Variants in NPIPB2 observed in about 807,000 individuals in gnomAD.
NPIPB2 encodes the protein nuclear pore complex-interacting protein family member B2.
In NPIPB2, 27 loss-of-function variants were observed where a neutral mutation model predicts 30.8. The ratio of observed to expected loss-of-function variants is 0.88; its 90% CI spans 0.65 to 1.21. The LOEUF is 1.21. Among genes scored for constraint, NPIPB2 ranks in the 50% most tolerant of loss-of-function variants. The pLI, the probability that NPIPB2 is intolerant of heterozygous loss-of-function variation, is 0.00. For synonymous variants in NPIPB2, 147 were observed against 162.0 expected, an observed-to-expected ratio of 0.91 and a Z score of 0.70; for missense variants, 440 against 446.2, an observed-to-expected ratio of 0.99 and a Z score of 0.13.
At chr16:11,972,070 T>C (rs899983754) in intron 1 of NPIPB2, among the ~76,000 whole-genome samples, 2 of 151,882 alleles carry the variant, frequency 1.3e-5, no homozygotes, top group African/African-American at 4.8e-5. Flanking sequence ...CACTTGAACC[T>C]GGGAGACAGA....
chr16:11,950,538 G>A (rs1430567840), intron 1 of NPIPB2, among the ~76,000 whole-genome samples: 1 of 152,120 alleles, frequency 6.6e-6, no homozygotes, highest in East Asian at 1.9e-4. Context: ...GAGGAAAGGA[G>A]GACGCTAACA....
At chr16:11,948,684 G>A (rs549715203) in intron 1 of NPIPB2, among the ~76,000 whole-genome samples, 2 of 139,756 alleles carry the variant, frequency 1.4e-5, no homozygotes, top group East Asian at 4.8e-4. Flanking sequence ...GGAGAATGGC[G>A]TGAACCCGGG....
At chr16:11,955,918 T>A (rs2150931943) in intron 1 of NPIPB2, among the ~76,000 whole-genome samples, 1 of 150,868 alleles carries the variant, frequency 6.6e-6, no homozygotes, top group Non-Finnish European at 1.5e-5. Context: ...AAAAAACCGG[T>A]CACCCACTTA....
At chr16:11,972,998 T>C (rs1477234992) in intron 1 of NPIPB2, among the ~76,000 whole-genome samples, 1 of 150,322 alleles carries the variant, frequency 6.7e-6, no homozygotes, top group African/African-American at 2.5e-5. Flanking sequence ...CTAACTCTAC[T>C]AAAAGTATAA....
chr16:11,933,151 C>T (rs2054813750), intron 4 of NPIPB2, among the ~76,000 whole-genome samples: 1 of 151,198 alleles, frequency 6.6e-6, no homozygotes, highest in South Asian at 2.1e-4. Flanking sequence ...ATCCCAGCTA[C>T]GTGGGAGGCT....
At chr16:11,967,937 C>A in intron 1 of NPIPB2, 1 of 1,430,650 alleles carries the variant, frequency 7.0e-7, no homozygotes. Context: ...CTGTATTTTT[C>A]AGTTGCCGAT....
chr16:11,967,282 G>A (rs890229432), intron 1 of NPIPB2: 10 of 349,754 alleles, frequency 2.9e-5, no homozygotes, highest in Admixed American at 2.3e-4. Context: ...GATTACAGGC[G>A]TGAGCCACAG....
At chr16:11,970,950 C>G (rs1330180120) in intron 1 of NPIPB2, among the ~76,000 whole-genome samples, 1 of 151,484 alleles carries the variant, frequency 6.6e-6, no homozygotes, top group African/African-American at 2.4e-5. Context: ...ACCTCTGGGG[C>G]TCAGGTGACC....
chr16:11,973,160 G>A (rs1308686179), intron 1 of NPIPB2, among the ~76,000 whole-genome samples: 1 of 52,932 alleles, frequency 1.9e-5, no homozygotes, highest in African/African-American at 7.8e-5. Flanking sequence ...GAGTGAAACT[G>A]TCAAAAAAAA....
At chr16:11,954,833 G>A (rs557913302) in intron 1 of NPIPB2, among the ~76,000 whole-genome samples, 16 of 151,568 alleles carry the variant, frequency 1.1e-4, no homozygotes, top group Admixed American at 2.6e-4. Flanking sequence ...GTGTGAACCC[G>A]GGAGGCAGAG....
chr16:11,948,582 C>T (rs183302626), intron 1 of NPIPB2, among the ~76,000 whole-genome samples: 40 of 151,568 alleles, frequency 2.6e-4, no homozygotes, highest in Admixed American at 2.2e-3. Flanking sequence ...CCGGCTAAAA[C>T]GGTGAAACCC....
chr16:11,953,696 C>T (rs1486960027), intron 1 of NPIPB2, among the ~76,000 whole-genome samples: 3 of 144,086 alleles, frequency 2.1e-5, no homozygotes, highest in Non-Finnish European at 3.0e-5. Context: ...TTCAGATCAT[C>T]CTTTTATTTA....
chr16:11,938,522 G>T lies in NPIPB2; in HGVS notation c.64-854C>A, dbSNP rs144552135. 9.3e-3 allele frequency among the ~76,000 whole-genome samples: 1,403 copies of T among 150,720 alleles called. 17 individuals are homozygous for T. The highest frequency in any genetic ancestry group is 0.033 in the African/African-American group (1,346 of 40,968). On this transcript the variant is annotated intron_variant, in intron 1 of 7. Transcript: ENST00000399147. ...ATTTTTGTATTTTCTGTGGAGATGG[G>T]GTTTTGCCATGTTGGCCAGGGTGGT...
chr16:11,961,565 A>T (rs1185381689), intron 1 of NPIPB2, among the ~76,000 whole-genome samples: 1 of 151,718 alleles, frequency 6.6e-6, no homozygotes, highest in Non-Finnish European at 1.5e-5. Context: ...GAATCACTTG[A>T]GGTCAGGAGT....
chr16:11,949,665 C>T (rs560036740), intron 1 of NPIPB2, among the ~76,000 whole-genome samples: 29 of 152,338 alleles, frequency 1.9e-4, no homozygotes, highest in African/African-American at 7.0e-4. Flanking sequence ...GGCCAGTCTC[C>T]TCACTTGAGC....
chr16:11,953,779 G>A (rs1003116111), intron 1 of NPIPB2, among the ~76,000 whole-genome samples: 12 of 138,842 alleles, frequency 8.6e-5, no homozygotes, highest in Admixed American at 4.6e-4. Flanking sequence ...GCAGTGGCAC[G>A]ATTCTCCTGC....
At chr16:11,976,634 G>A (rs2055303370) in exon 1 of NPIPB2, 4 of 393,824 alleles carry the variant, frequency 1.0e-5, no homozygotes, top group Non-Finnish European at 1.7e-5. Flanking sequence ...TTGGATCTGC[G>A]CCGCGGTTTA....
chr16:11,966,400 A>G, intron 1 of NPIPB2: 1 of 1,542,894 alleles, frequency 6.5e-7, no homozygotes, highest in African/African-American at 1.4e-5. Context: ...TGTGAGTTTC[A>G]GTTCCTTTTC....
chr16:11,947,332 A>ATATATT (rs1567471986), intron 1 of NPIPB2, among the ~76,000 whole-genome samples: 1 of 145,470 alleles, frequency 6.9e-6, no homozygotes, highest in Non-Finnish European at 1.5e-5. Flanking sequence ...TTATATATAT[A>ATATATT]TATATTTATT....
Sources: allele counts gnomAD v4.1 joint callset (sites outside exome capture counted in the v4.1 genomes callset), GRCh38; gene constraint gnomAD v4.1.1; transcripts MANE v1.5; gene names NCBI Gene and HGNC (gene_info 2026-07-23, HGNC 2026-07-21).